ZCCHC7: variants seen among roughly 807,000 people sequenced by gnomAD.
ZCCHC7 encodes the protein zinc finger CCHC-type containing 7.
A neutral mutation model predicts 52.0 loss-of-function variants in ZCCHC7; 35 were observed. The observed-to-expected ratio is 0.67, with a 90% CI of 0.51 to 0.89. The LOEUF (loss-of-function observed/expected upper bound fraction) is 0.89. Ranked by LOEUF, ZCCHC7 falls within the 40% of genes least tolerant of loss-of-function variation. The probability of loss-of-function intolerance (pLI) is 0.00; values close to 1 mark genes in which losing one functional copy is unlikely to be tolerated. For synonymous variants in ZCCHC7, 217 were observed against 221.5 expected (o/e 0.98, Z 0.18); for missense variants, 574 against 649.1 (o/e 0.88, Z 1.26).
At chr9:37,269,285 G>A (rs1340714997) in intron 2 of ZCCHC7, among the ~76,000 whole-genome samples, 2 of 152,106 alleles carry the variant, frequency 1.3e-5, no homozygotes, top group Non-Finnish European at 2.9e-5. Context: ...AGGGGTTATA[G>A]GAGCAGATTT....
At chr9:37,295,562 G>T (rs1289794667) in intron 2 of ZCCHC7, among the ~76,000 whole-genome samples, 1 of 152,056 alleles carries the variant, frequency 6.6e-6, no homozygotes, top group Non-Finnish European at 1.5e-5. Context: ...CTAAAATCGT[G>T]GCATTGAGGC....
chr9:37,333,040 G>C (rs1161457841), intron 6 of ZCCHC7, among the ~76,000 whole-genome samples: 1 of 151,538 alleles, frequency 6.6e-6, no homozygotes, highest in African/African-American at 2.4e-5. Flanking sequence ...GAAGTTACTT[G>C]ATTCTCAGTA....
At chr9:37,237,024 T>C (rs1338329612) in intron 2 of ZCCHC7, among the ~76,000 whole-genome samples, 1 of 152,176 alleles carries the variant, frequency 6.6e-6, no homozygotes, top group Non-Finnish European at 1.5e-5. Context: ...TTCAGTTCCT[T>C]CTACGCTAGC....
At chr9:37,140,329 CTTCA>C (rs1372242144) in intron 2 of ZCCHC7, among the ~76,000 whole-genome samples, 1 of 151,958 alleles carries the variant, frequency 6.6e-6, no homozygotes, top group Non-Finnish European at 1.5e-5. Context: ...GTATTTTGCT[CTTCA>C]TTCAACACCT....
At chr9:37,271,048 T>C (rs1052396795) in intron 2 of ZCCHC7, among the ~76,000 whole-genome samples, 3 of 152,192 alleles carry the variant, frequency 2.0e-5, no homozygotes, top group African/African-American at 2.4e-5. Flanking sequence ...AAGGAATAGT[T>C]TGAACACCAC....
At chr9:37,302,141 G>C (rs1235814305) in intron 2 of ZCCHC7, 47 bp from the exon 3 acceptor site, 2 of 1,482,736 alleles carry the variant, frequency 1.3e-6, no homozygotes, top group Non-Finnish European at 1.9e-6. Flanking sequence ...CAATCTATAA[G>C]TCCTTTAAAA....
At chr9:37,309,291 T>G (rs1403189089) in intron 5 of ZCCHC7, among the ~76,000 whole-genome samples, 2 of 152,130 alleles carry the variant, frequency 1.3e-5, no homozygotes, top group African/African-American at 4.8e-5. Flanking sequence ...GCCGAGTCAT[T>G]CTGGCCCCAT....
At chr9:37,319,701 G>T (rs532772451) in intron 5 of ZCCHC7, among the ~76,000 whole-genome samples, 1 of 152,222 alleles carries the variant, frequency 6.6e-6, no homozygotes, top group East Asian at 1.9e-4. Flanking sequence ...GGTATTACAG[G>T]CATGAGCCAC....
chr9:37,340,434 G>C (rs531458164), intron 6 of ZCCHC7, among the ~76,000 whole-genome samples: 1 of 151,052 alleles, frequency 6.6e-6, no homozygotes, highest in Admixed American at 6.6e-5. Flanking sequence ...AATACAAAAG[G>C]CCTGCTTTTA....
chr9:37,245,217 AAC>A (rs1449346643), intron 2 of ZCCHC7, among the ~76,000 whole-genome samples: 2 of 151,940 alleles, frequency 1.3e-5, no homozygotes, highest in African/African-American at 4.8e-5. Context: ...TTATGTTTTG[AAC>A]ACAGTTATAG....
chr9:37,131,123 G>A (rs1020083232), intron 2 of ZCCHC7, among the ~76,000 whole-genome samples: 1 of 145,852 alleles, frequency 6.9e-6, no homozygotes, highest in East Asian at 2.2e-4. Context: ...GGTGGATCAC[G>A]AGGTCGGGAG....
chr9:37,355,207 C>A (rs1821622106), intron 8 of ZCCHC7, among the ~76,000 whole-genome samples: 1 of 152,028 alleles, frequency 6.6e-6, no homozygotes, highest in African/African-American at 2.4e-5. Context: ...CTAAGTTATT[C>A]CTGGAGCTTC....
chr9:37,354,760 C>T lies in ZCCHC7; in HGVS notation c.1134C>T (p.Ile378=). 3 of 1,613,398 alleles carry T rather than the reference C, an allele frequency of 1.9e-6. No individual in the cohort carries two copies. The highest frequency in any genetic ancestry group is 2.5e-6 in the Non-Finnish European group (3 of 1,179,470). ...ACCCGTCTCCAGTATCTCCATTCAT[C>T]TGCTACTATGATGACAAATATGAAA... ...VYDPSPVSPF[I]CYYDDKYEIQ... The change falls in exon 8 of 9, where the codon ATC becomes ATT. Residue 378 remains isoleucine (I), a synonymous_variant. Coordinates refer to ENST00000336755, the MANE Select transcript of ZCCHC7 (RefSeq NM_032226.3). This position sits in a 1 kb window ranked among gnomAD's most constrained non-coding sequence, Gnocchi z 4.0.
intron 2 of ZCCHC7, among the ~76,000 whole-genome samples, chr9:37,206,312 C>T (rs536368371): frequency 1.0e-3 from 149 of 146,280 alleles, no homozygotes; most frequent in African/African-American, 3.6e-3. Flanking sequence ...CTCTCCCTCT[C>T]CCTCCTCCTC....
chr9:37,232,143 A>G (rs1825438660), intron 2 of ZCCHC7, among the ~76,000 whole-genome samples: 1 of 152,244 alleles, frequency 6.6e-6, no homozygotes, highest in Non-Finnish European at 1.5e-5. Flanking sequence ...TCAGACGTGT[A>G]CTAAGCAGTT....
chr9:37,338,663 C>T (rs77590267), intron 6 of ZCCHC7, among the ~76,000 whole-genome samples: 7,731 of 152,238 alleles, frequency 0.051, 643 homozygotes, highest in African/African-American at 0.17. Context: ...AAATTACTCT[C>T]AGGTAAACCA....
chr9:37,189,536 A>G (rs969178586), intron 2 of ZCCHC7, among the ~76,000 whole-genome samples: 6 of 152,092 alleles, frequency 3.9e-5, no homozygotes, highest in African/African-American at 1.4e-4. Context: ...ACAGGTGCAC[A>G]CTACCACACC....
chr9:37,327,756 C>T (rs1830307837), intron 5 of ZCCHC7, 43 bp from the exon 6 acceptor site: 1 of 1,611,508 alleles, frequency 6.2e-7, no homozygotes, highest in South Asian at 1.1e-5. Context: ...CTGTAAAGTA[C>T]CTTGTTTCAT....
At chr9:37,154,830 A>C (rs1820724533) in intron 2 of ZCCHC7, among the ~76,000 whole-genome samples, 1 of 151,968 alleles carries the variant, frequency 6.6e-6, no homozygotes, top group Non-Finnish European at 1.5e-5. Context: ...TGGATTGTTT[A>C]AAAGTGAAAG....
Sources: gnomAD v4.1 joint callset for allele counts (sites outside exome capture counted in the v4.1 genomes callset) on GRCh38, gnomAD v4.1.1 for gene constraint, Gnocchi (gnomAD v3.1) non-coding constraint, MANE v1.5 for transcripts, NCBI Gene and HGNC (gene_info 2026-07-23, HGNC 2026-07-21) for gene names.